The following MIA2 variants were observed in gnomAD, a reference collection of about 807,000 sequenced individuals.
MIA2 encodes melanoma inhibitory activity protein 2.
In MIA2, 127 loss-of-function variants were observed where a neutral mutation model predicts 167.8. That is an observed-to-expected ratio of 0.76 (90% confidence interval 0.66 to 0.88). The LOEUF is 0.88. MIA2 is among the 40% of genes least tolerant of loss of function. The pLI is 0.00. For synonymous variants in MIA2, 552 were observed against 541.9 expected (o/e 1.02, Z -0.26); for missense variants, 1,690 against 1,624.7 (o/e 1.04, Z -0.69).
chr14:39,246,151 C>T (rs1566592062), intron 3 of MIA2, among the ~76,000 whole-genome samples: 1 of 151,586 alleles, frequency 6.6e-6, no homozygotes, highest in Admixed American at 6.6e-5. Context: ...AGCTGAAATG[C>T]ATTGGTGCGA....
At chr14:39,352,838 CAT>C (rs1216748394), downstream of MIA2, among the ~76,000 whole-genome samples, 1 of 152,092 alleles carries the variant, frequency 6.6e-6, no homozygotes, top group Admixed American at 6.6e-5. Context: ...AGCTAGTTAA[CAT>C]ATATTTTACC....
At chr14:39,289,794 CT>C (rs1257437010) in intron 9 of MIA2, among the ~76,000 whole-genome samples, 1 of 152,158 alleles carries the variant, frequency 6.6e-6, no homozygotes, top group Non-Finnish European at 1.5e-5. Context: ...TAAAACCAAT[CT>C]TGGGGGCAAA....
intron 6 of MIA2, chr14:39,266,434 G>A (rs1324726622): frequency 1.0e-6 from 1 of 985,464 alleles, no homozygotes; most frequent in Non-Finnish European, 1.2e-6. Flanking sequence ...ACCGCGCCAG[G>A]CCAAGGTCCA....
chr14:39,250,601 C>T (rs1304513867), intron 4 of MIA2, among the ~76,000 whole-genome samples: 1 of 151,726 alleles, frequency 6.6e-6, no homozygotes, highest in Admixed American at 6.6e-5. Flanking sequence ...GAGGCTGAGG[C>T]ATGAGAATCA....
downstream of MIA2, among the ~76,000 whole-genome samples, chr14:39,354,589 C>T (rs2074473760): frequency 6.6e-6 from 1 of 152,154 alleles, no homozygotes; most frequent in South Asian, 2.1e-4. Flanking sequence ...GCAATTTTGG[C>T]TTTTGTTGCC....
intron 9 of MIA2, among the ~76,000 whole-genome samples, chr14:39,289,075 A>C (rs1423070837): frequency 1.3e-5 from 2 of 152,124 alleles, no homozygotes; most frequent in Admixed American, 6.6e-5. Flanking sequence ...AAATTTGGTA[A>C]AATTCAGCCG....
At chr14:39,282,198 T>C (rs566853894) in intron 9 of MIA2, among the ~76,000 whole-genome samples, 147 of 152,324 alleles carry the variant, frequency 9.7e-4, no homozygotes, top group African/African-American at 3.5e-3. Flanking sequence ...TTACTGTTGC[T>C]TTTCATAGGC....
At position 39,313,429 on chromosome 14, in the gene MIA2, T is replaced by C. The variant is rs1266714589; in HGVS notation, c.3107T>C (p.Leu1036Pro). ...AAGATCAGCCATGCCACTGAAGAGC[T>C]GGAGACCTATAGGTATTAAATACAT... ...DEKISHATEE[L>P]ETYRKRAKDL... Residue 1036 changes from leucine to proline, a missense_variant, in exon 19 of 29, where the codon CTG becomes CCG. Leu to Pro is a moderately conservative substitution (Grantham distance 98). Transcript: ENST00000640607. 2 of 1,594,530 alleles carry C rather than the reference T, an allele frequency of 1.3e-6. No homozygotes were observed. Among genetic ancestry groups the C allele is most frequent in the Non-Finnish European group, 1.7e-6 (2 of 1,168,706 alleles).
At chr14:39,284,674 C>T (rs1255801417) in intron 9 of MIA2, among the ~76,000 whole-genome samples, 1 of 151,944 alleles carries the variant, frequency 6.6e-6, no homozygotes, top group Non-Finnish European at 1.5e-5. Flanking sequence ...AGATCTTTCA[C>T]CTCCTTGGTT....
At chr14:39,313,121 T>A (rs142170923) in intron 18 of MIA2, among the ~76,000 whole-genome samples, 1 of 151,626 alleles carries the variant, frequency 6.6e-6, no homozygotes, top group Admixed American at 6.6e-5. Context: ...CTATTAGTAG[T>A]TCTGTATTAG....
intron 6 of MIA2, among the ~76,000 whole-genome samples, chr14:39,263,813 T>TAGG (rs2055270645): frequency 6.6e-6 from 1 of 152,048 alleles, no homozygotes; most frequent in Non-Finnish European, 1.5e-5. Flanking sequence ...TTGTATTTTT[T>TAGG]AGTAGAGACG....
chr14:39,353,760 T>C (rs996667441), downstream of MIA2, among the ~76,000 whole-genome samples: 19 of 152,184 alleles, frequency 1.2e-4, no homozygotes, highest in Non-Finnish European at 2.5e-4. Context: ...TTCCCCTTCC[T>C]GTGTCCAAGT....
At chr14:39,300,763 A>T (rs2062266519) in intron 14 of MIA2, among the ~76,000 whole-genome samples, 1 of 151,954 alleles carries the variant, frequency 6.6e-6, no homozygotes, top group South Asian at 2.1e-4. Flanking sequence ...ACAGGTATAC[A>T]TATGTAACAA....
intron 18 of MIA2, among the ~76,000 whole-genome samples, chr14:39,311,157 C>G (rs1254071827): frequency 6.6e-6 from 1 of 152,024 alleles, no homozygotes; most frequent in Non-Finnish European, 1.5e-5. Context: ...GTGTGTTGTT[C>G]ACAGGATTTC....
intron 9 of MIA2, among the ~76,000 whole-genome samples, chr14:39,285,570 A>AC (rs1491103435): frequency 5.7e-5 from 3 of 52,332 alleles, no homozygotes; most frequent in Non-Finnish European, 1.2e-4. Flanking sequence ...GCGGGGGCTG[A>AC]CCCCCCGACC....
chr14:39,322,876 C>T (rs1387287829), intron 24 of MIA2, among the ~76,000 whole-genome samples: 1 of 152,206 alleles, frequency 6.6e-6, no homozygotes, highest in African/African-American at 2.4e-5. Context: ...TGGCATTCTT[C>T]ACCAGTGAAA....
Position 39,240,577 on chromosome 14 carries a change from G to A in MIA2, c.266G>A (p.Gly89Glu). The A allele has an allele frequency of 6.2e-7, 1 of 1,612,234 alleles. No individual in the cohort carries two copies. The highest frequency in any genetic ancestry group is 8.5e-7 in the Non-Finnish European group (1 of 1,178,660). Residue 89 changes from glycine (G) to glutamate (E), a missense_variant, in exon 3 of 29, where the codon GGA (glycine) becomes GAA (glutamate). Transcript: ENST00000640607. Reference protein sequence around the residue: ...LWAGSKGKEFGYFPRDAVQIE... With the variant: ...LWAGSKGKEFEYFPRDAVQIE... ...TTTTGACAGAAAGGAAAGGAGTTTG[G>A]ATATTTTCCCAGAGATGCAGTCCAG...
chr14:39,240,044 C>T (rs2053968497), intron 2 of MIA2, among the ~76,000 whole-genome samples: 1 of 152,136 alleles, frequency 6.6e-6, no homozygotes, highest in African/African-American at 2.4e-5. Flanking sequence ...CAAGGCAGCC[C>T]CAGAAAAGTA....
intron 25 of MIA2, among the ~76,000 whole-genome samples, chr14:39,336,593 A>G (rs148344325): frequency 2.1e-4 from 32 of 152,322 alleles, no homozygotes; most frequent in African/African-American, 5.5e-4. Flanking sequence ...ACAGTCTACA[A>G]TGTATCTGTT....
Sources: allele counts gnomAD v4.1 joint callset (sites outside exome capture counted in the v4.1 genomes callset), GRCh38; gene constraint gnomAD v4.1.1; transcripts MANE v1.5; gene names NCBI Gene and HGNC (gene_info 2026-07-23, HGNC 2026-07-21).